Variants in EPHB2 observed in about 807,000 individuals in gnomAD.
EPHB2 encodes ephrin type-B receptor 2.
A neutral mutation model predicts 96.4 loss-of-function variants in EPHB2; 18 were observed. The ratio of observed to expected loss-of-function variants is 0.19; its 90% CI spans 0.13 to 0.28. The LOEUF (loss-of-function observed/expected upper bound fraction) is 0.28. Ranked by LOEUF, EPHB2 falls within the 10% of genes least tolerant of loss-of-function variation. The pLI is 1.00. For missense variants in EPHB2, 989 were observed against 1,355.4 expected, an observed-to-expected ratio of 0.73 and a Z score of 4.25; for synonymous variants, 506 against 534.1, an observed-to-expected ratio of 0.95 and a Z score of 0.72.
intron 15 of EPHB2, chr1:22,912,870 G>A (rs1640153505): frequency 7.7e-5 from 37 of 480,276 alleles, no homozygotes; most frequent in South Asian, 6.7e-4. Context: ...GGAAGGTTGA[G>A]GGAGATATAA....
intron 1 of EPHB2, among the ~76,000 whole-genome samples, chr1:22,745,785 G>A (rs921935872): frequency 1.3e-5 from 2 of 152,094 alleles, no homozygotes; most frequent in Admixed American, 6.6e-5. Context: ...AGCAAGGCTC[G>A]GGCTGGGCCT....
At chr1:22,747,156 G>A (rs1055005662) in intron 1 of EPHB2, among the ~76,000 whole-genome samples, 6 of 152,180 alleles carry the variant, frequency 3.9e-5, no homozygotes, top group African/African-American at 1.4e-4. Context: ...AGGGAGAACT[G>A]CCTTCTGCTC....
At chr1:22,788,696 G>A (rs1017226856) in intron 3 of EPHB2, among the ~76,000 whole-genome samples, 2 of 151,978 alleles carry the variant, frequency 1.3e-5, no homozygotes, top group Admixed American at 1.3e-4. Flanking sequence ...GTGGCTCTGA[G>A]ATGGGGCCAA....
intron 3 of EPHB2, among the ~76,000 whole-genome samples, chr1:22,857,847 C>T (rs1217704078): frequency 6.6e-6 from 1 of 152,116 alleles, no homozygotes; most frequent in Non-Finnish European, 1.5e-5. Flanking sequence ...TACGACCGGC[C>T]CGCGGCTCTG....
intron 6 of EPHB2, chr1:22,891,401 G>A: frequency 2.9e-6 from 1 of 350,782 alleles, no homozygotes; most frequent in Non-Finnish European, 5.6e-6. Flanking sequence ...GAAAAAAATT[G>A]TCTCAGGAGC....
intron 3 of EPHB2, among the ~76,000 whole-genome samples, chr1:22,807,644 T>C (rs1256690020): frequency 6.6e-6 from 1 of 151,812 alleles, no homozygotes; most frequent in Non-Finnish European, 1.5e-5. Flanking sequence ...AAAGGGAAGA[T>C]GCCACCAACA....
intron 7 of EPHB2, among the ~76,000 whole-genome samples, chr1:22,893,281 C>T (rs1202880116): frequency 6.6e-6 from 1 of 152,206 alleles, no homozygotes; most frequent in Non-Finnish European, 1.5e-5. Flanking sequence ...CTGGGGAGCT[C>T]AGCCCTAACT....
chr1:22,781,446 G>T lies in EPHB2; in HGVS notation c.87G>T (p.Ala29=), dbSNP rs747830595. The change falls in exon 2 of 16, where the codon GCG becomes GCT. Residue 29 remains alanine (A), a synonymous_variant. Transcript: ENST00000374630. ...AAACGCTAATGGACTCCACTACAGC[G>T]ACTGCTGAGCTGGGCTGGATGGTGC... is the stretch of plus-strand genomic sequence containing the variant. ...VEETLMDSTT[A]TAELGWMVHP... 2.5e-6 allele frequency: 4 copies of T among 1,613,928 alleles called. No homozygotes were observed. The African/African-American group carries it at 4.0e-5, about 16-fold the overall frequency.
At chr1:22,857,097 C>G (rs770206864) in intron 3 of EPHB2, among the ~76,000 whole-genome samples, 1 of 152,216 alleles carries the variant, frequency 6.6e-6, no homozygotes, top group Non-Finnish European at 1.5e-5. Context: ...AACAAAATCA[C>G]GTGCCATGTA....
At chr1:22,751,189 G>C (rs1004228310) in intron 1 of EPHB2, among the ~76,000 whole-genome samples, 5 of 152,350 alleles carry the variant, frequency 3.3e-5, no homozygotes, top group Admixed American at 2.0e-4. Context: ...GGGATGCTCT[G>C]AAGAACAGAG....
chr1:22,888,830 A>G (rs942394398), intron 6 of EPHB2, among the ~76,000 whole-genome samples: 1 of 152,212 alleles, frequency 6.6e-6, no homozygotes, highest in Admixed American at 6.5e-5. Flanking sequence ...TCCCAAGGTC[A>G]CAGTGCAATC....
chr1:22,780,703 A>G (rs1349819836), intron 1 of EPHB2, among the ~76,000 whole-genome samples: 1 of 152,228 alleles, frequency 6.6e-6, no homozygotes, highest in Non-Finnish European at 1.5e-5. Context: ...TTAGTGGCAG[A>G]GCCTCGGAAA....
At chr1:22,801,617 C>A (rs775220114) in intron 3 of EPHB2, among the ~76,000 whole-genome samples, 3 of 152,128 alleles carry the variant, frequency 2.0e-5, no homozygotes, top group African/African-American at 4.8e-5. Context: ...AGACCCCACA[C>A]GAGGGGATGG....
intron 3 of EPHB2, among the ~76,000 whole-genome samples, chr1:22,840,023 G>A (rs1645442700): frequency 6.6e-6 from 1 of 152,186 alleles, no homozygotes; most frequent in Non-Finnish European, 1.5e-5. Context: ...CTGGCGCAGT[G>A]CCTGGCTGCT....
chr1:22,833,397 C>T (rs990681101), intron 3 of EPHB2, among the ~76,000 whole-genome samples: 29 of 152,076 alleles, frequency 1.9e-4, no homozygotes, highest in African/African-American at 7.0e-4. Flanking sequence ...GGATTACAGG[C>T]GTGAGCCACC....
intron 6 of EPHB2, among the ~76,000 whole-genome samples, chr1:22,885,409 C>T (rs561792986): frequency 2.0e-5 from 3 of 152,340 alleles, no homozygotes; most frequent in Admixed American, 2.0e-4. Flanking sequence ...CCCTACTTTC[C>T]GCCGCTGCCC....
In EPHB2 at chr1:22,863,142, G is replaced by C. The variant is rs750776222; in HGVS notation, c.917G>C (p.Arg306Pro). ...TSEGATNCVCRNGYYRADLDP... is the reference protein window; with the variant it reads ...TSEGATNCVCPNGYYRADLDP... ...GAAGGGGCCACCAACTGTGTCTGCC[G>C]CAATGGCTACTACAGAGCAGACCTG... The change falls in exon 4 of 16, where the codon CGC becomes CCC. Residue 306 changes from arginine (R) to proline (P), a missense_variant. By Grantham distance (103) the Arg-to-Pro change is moderately radical. Transcript: ENST00000374630. 1 of 1,614,072 alleles carries C rather than the reference G, an allele frequency of 6.2e-7. No homozygotes were observed. The highest frequency in any genetic ancestry group is 1.3e-5 in the African/African-American group (1 of 74,918).
chr1:22,741,772 G>A (rs910033228), intron 1 of EPHB2, among the ~76,000 whole-genome samples: 14 of 150,614 alleles, frequency 9.3e-5, no homozygotes, highest in African/African-American at 2.9e-4. Context: ...GTTCACCTGC[G>A]TGGAAGCTGC....
chr1:22,843,268 C>A (rs112711610), intron 3 of EPHB2, among the ~76,000 whole-genome samples: 2,495 of 152,282 alleles, frequency 0.016, 62 homozygotes, highest in African/African-American at 0.056. Context: ...AAGCAACTTT[C>A]CCAAGACCAT....
Sources: allele counts gnomAD v4.1 joint callset (sites outside exome capture counted in the v4.1 genomes callset), GRCh38; gene constraint gnomAD v4.1.1; transcripts MANE v1.5; gene names NCBI Gene and HGNC (gene_info 2026-07-23, HGNC 2026-07-21).